The following KCNK1 variants were observed in gnomAD, a reference collection of about 807,000 sequenced individuals.
The protein encoded by KCNK1 is potassium channel subfamily K member 1.
A neutral mutation model predicts 22.2 loss-of-function variants in KCNK1; 10 were observed. The observed-to-expected ratio is 0.45, with a 90% confidence interval of 0.28 to 0.76. The LOEUF (loss-of-function observed/expected upper bound fraction) is 0.76, where lower values mean the gene tolerates loss of function less well. Among genes scored for constraint, KCNK1 ranks in the 30% least tolerant of loss-of-function variants. KCNK1 has a pLI of 0.14. For missense variants in KCNK1, 378 were observed against 421.0 expected (o/e 0.90, Z 0.89); for synonymous variants, 200 against 186.4 (o/e 1.07, Z -0.60).
intron 1 of KCNK1, among the ~76,000 whole-genome samples, chr1:233,652,355 C>T (rs1658215012): frequency 6.6e-6 from 1 of 152,130 alleles, no homozygotes; most frequent in South Asian, 2.1e-4. Flanking sequence ...TACCGCTACC[C>T]CTGAGGCCAG....
At chr1:233,666,509 G>C in intron 1 of KCNK1, 86 bp from the exon 2 acceptor site, 1 of 1,302,720 alleles carries the variant, frequency 7.7e-7, no homozygotes, top group South Asian at 1.4e-5. Context: ...GGGGAATAAG[G>C]GCAGATGATA....
intron 1 of KCNK1, among the ~76,000 whole-genome samples, chr1:233,624,499 G>T (rs903905893): frequency 6.6e-6 from 1 of 152,060 alleles, no homozygotes; most frequent in Non-Finnish European, 1.5e-5. Flanking sequence ...CCTGGCACCT[G>T]GTTCCCATAG....
chr1:233,671,647 C>T lies in KCNK1; in HGVS notation c.*117C>T. 8.4e-7 allele frequency: 1 copy of T among 1,188,258 alleles called. No homozygotes were observed. Among genetic ancestry groups the T allele is most frequent in the East Asian group, 2.4e-5 (1 of 42,144 alleles). 73.6% of individuals were successfully genotyped at this position (1,188,258 alleles called of 1,614,324 possible). A position where few individuals can be genotyped will look rare whatever the true frequency, so the allele number is the denominator to read the frequency against. On this transcript the variant is annotated 3_prime_UTR_variant, in exon 3 of 3. Coordinates refer to ENST00000366621, the MANE Select transcript of KCNK1 (RefSeq NM_002245.4). ...AAAATTATGTCACTTTAAGAAATAG[C>T]TACTGTTTGCAATGTCTTATTAAAA...
intron 1 of KCNK1, among the ~76,000 whole-genome samples, chr1:233,662,413 G>T (rs1223911843): frequency 2.6e-5 from 4 of 152,158 alleles, no homozygotes; most frequent in Non-Finnish European, 5.9e-5. Context: ...ACAACGTGGG[G>T]CCATTGTAAG....
At chr1:233,617,746 C>G (rs1657509705) in intron 1 of KCNK1, among the ~76,000 whole-genome samples, 1 of 152,094 alleles carries the variant, frequency 6.6e-6, no homozygotes, top group South Asian at 2.1e-4. Context: ...GCACTCTAGC[C>G]TAGGCAACAG....
chr1:233,672,066 A>G lies in KCNK1; in HGVS notation c.*536A>G, dbSNP rs1253125080. On this transcript the variant is annotated 3_prime_UTR_variant, in exon 3 of 3. Transcript: ENST00000366621. Reference sequence around the variant, plus strand: ...AGGTAACCATTAACTATGTACATATAAAGTATAAATATGTTTATATTCTGT... The same window carrying G: ...AGGTAACCATTAACTATGTACATATGAAGTATAAATATGTTTATATTCTGT... 1 of 156,904 alleles carries G rather than the reference A, an allele frequency of 6.4e-6. No individual in the cohort carries two copies. The highest frequency in any genetic ancestry group is 1.4e-5 in the Non-Finnish European group (1 of 70,702). The allele number at this position is 156,904 out of a possible 1,614,324, so 9.7% of individuals were successfully genotyped here.
In KCNK1 at chr1:233,671,666, A is replaced by C. The variant is rs890279828; in HGVS notation, c.*136A>C. ...AAATAGCTACTGTTTGCAATGTCTT[A>C]TTAAAAAACAACAAAAAAAGACAAA... is the stretch of plus-strand genomic sequence containing the variant. On this transcript the variant is annotated 3_prime_UTR_variant, in exon 3 of 3. Transcript: ENST00000366621. 4.9e-6 allele frequency: 5 copies of C among 1,010,938 alleles called. No individual in the cohort carries two copies. Among genetic ancestry groups the C allele is most frequent in the African/African-American group, 4.8e-5 (3 of 61,948 alleles). The allele number at this position is 1,010,938 out of a possible 1,614,324, so 62.6% of individuals were successfully genotyped here.
chr1:233,671,390 G>T lies in KCNK1; in HGVS notation c.871G>T (p.Val291Leu), dbSNP rs751441096. ...YVKKDKDEDQ[V>L]HIIEHDQLSF... Reference sequence around the variant, plus strand: ...GAAGAAGGACAAGGACGAGGATCAGGTGCACATCATAGAGCATGACCAACT... The same window carrying T: ...GAAGAAGGACAAGGACGAGGATCAGTTGCACATCATAGAGCATGACCAACT... The change falls in exon 3 of 3, where the codon GTG (valine) becomes TTG (leucine). Residue 291 changes from valine to leucine, a missense_variant. Physicochemically the swap from Val to Leu is conservative, Grantham distance 32. Transcript: ENST00000366621. 27 of 1,614,074 alleles carry T rather than the reference G, an allele frequency of 1.7e-5. No homozygotes were observed. Among genetic ancestry groups the T allele is most frequent in the Non-Finnish European group, 2.3e-5 (27 of 1,180,048 alleles).
chr1:233,661,248 T>A (rs887372914), intron 1 of KCNK1, among the ~76,000 whole-genome samples: 1 of 152,182 alleles, frequency 6.6e-6, no homozygotes, highest in African/African-American at 2.4e-5. Context: ...GAAACTTCAT[T>A]GCAAAAAGTG....
chr1:233,662,271 T>TCTTCTTCTC (rs1553267164), intron 1 of KCNK1, among the ~76,000 whole-genome samples: 13 of 67,178 alleles, frequency 1.9e-4, no homozygotes, highest in African/African-American at 5.0e-4. Flanking sequence ...TTCTTCTTCT[T>TCTTCTTCTC]CTCCTCCTCC....
chr1:233,624,555 TCAAAAGGAGCA>T (rs1266554418), intron 1 of KCNK1, among the ~76,000 whole-genome samples: 1 of 152,136 alleles, frequency 6.6e-6, no homozygotes, highest in Non-Finnish European at 1.5e-5. Context: ...CAACAGGTGC[TCAAAAGGAGCA>T]ACTTAAGGCA....
chr1:233,625,265 G>A (rs180932016), intron 1 of KCNK1, among the ~76,000 whole-genome samples: 186 of 152,344 alleles, frequency 1.2e-3, no homozygotes, highest in African/African-American at 4.4e-3. Flanking sequence ...CTCTGAGCAT[G>A]TATTCCTTCC....
chr1:233,638,535 T>C (rs962899335), intron 1 of KCNK1, among the ~76,000 whole-genome samples: 3 of 152,194 alleles, frequency 2.0e-5, no homozygotes, highest in African/African-American at 7.2e-5. Context: ...TAAACTGTGC[T>C]CTGCAGCAGC....
At position 233,614,289 on chromosome 1, in the gene KCNK1, GTCT is replaced by G; in HGVS notation, c.122_124del (p.Phe41del). On this transcript the variant is annotated inframe_deletion, in exon 1 of 3. Coordinates refer to ENST00000366621, the MANE Select transcript of KCNK1 (RefSeq NM_002245.4). ...GCTCTACCTGGTCTTCGGCGCAGTG[GTCT>G]TCTCCTCGGTGGAGCTGCCCTATGA... The G allele has an allele frequency of 6.2e-7, 1 of 1,613,376 alleles. No homozygotes were observed.
chr1:233,641,589 G>C (rs546893252), intron 1 of KCNK1, among the ~76,000 whole-genome samples: 2 of 152,278 alleles, frequency 1.3e-5, no homozygotes, highest in East Asian at 3.9e-4. Context: ...CACTTAACAC[G>C]GCAGGGTCCT....
intron 1 of KCNK1, among the ~76,000 whole-genome samples, chr1:233,663,419 AT>A (rs1207233447): frequency 6.6e-6 from 1 of 152,210 alleles, no homozygotes; most frequent in Non-Finnish European, 1.5e-5. Flanking sequence ...TTTAGTTAAC[AT>A]TCTAATGAAA....
At position 233,628,645 on chromosome 1, in the gene KCNK1, A is replaced by G. The variant is rs559867297; in HGVS notation, c.355+14119A>G. ...CGTGGTGGTGGGTGCCTGTAATCCCAGCTACTTGGGAGGCTGAGGTGGAGA... is the reference window on the plus strand; with the variant it reads ...CGTGGTGGTGGGTGCCTGTAATCCCGGCTACTTGGGAGGCTGAGGTGGAGA... On this transcript the variant is annotated intron_variant, in intron 1 of 2. Coordinates refer to ENST00000366621, the MANE Select transcript of KCNK1 (RefSeq NM_002245.4). Among the ~76,000 whole-genome samples the G allele has an allele frequency of 7.2e-5, 11 of 152,098 alleles. No individual in the cohort carries two copies. The South Asian group carries it at 2.1e-3, about 29-fold the overall frequency.
intron 1 of KCNK1, among the ~76,000 whole-genome samples, chr1:233,626,004 G>A (rs899017505): frequency 6.6e-6 from 1 of 152,098 alleles, no homozygotes; most frequent in Non-Finnish European, 1.5e-5. Flanking sequence ...GAGATTTTGA[G>A]CAAAGGGTTG....
At chr1:233,617,590 G>T (rs183417916) in intron 1 of KCNK1, among the ~76,000 whole-genome samples, 29 of 152,312 alleles carry the variant, frequency 1.9e-4, no homozygotes, top group Admixed American at 1.2e-3. Flanking sequence ...GGACAGTTGT[G>T]TAGACGAATG....
Sources: allele counts gnomAD v4.1 joint callset (sites outside exome capture counted in the v4.1 genomes callset), GRCh38; gene constraint gnomAD v4.1.1; transcripts MANE v1.5; gene names NCBI Gene and HGNC (gene_info 2026-07-23, HGNC 2026-07-21).